The following PICALM variants were observed in gnomAD, a reference collection of about 807,000 sequenced individuals.
PICALM encodes phosphatidylinositol-binding clathrin assembly protein.
Under a neutral mutation model 80.5 loss-of-function variants are expected in PICALM, and 40 were observed. That is an observed-to-expected ratio of 0.50 (90% confidence interval 0.39 to 0.65). The LOEUF (loss-of-function observed/expected upper bound fraction) is 0.65. PICALM is among the 30% of genes least tolerant of loss of function. The pLI, the probability that PICALM is intolerant of heterozygous loss-of-function variation, is 0.00. For missense variants in PICALM, 676 were observed against 778.9 expected (o/e 0.87, Z 1.57); for synonymous variants, 288 against 260.3 (o/e 1.11, Z -1.02).
At chr11:86,045,676 T>C (rs967024058) in intron 1 of PICALM, among the ~76,000 whole-genome samples, 21 of 152,202 alleles carry the variant, frequency 1.4e-4, no homozygotes, top group African/African-American at 4.6e-4. Context: ...TTATACAATA[T>C]CCCATTTATT....
intron 8 of PICALM, 93 bp from the exon 9 acceptor site, chr11:86,003,544 A>G: frequency 1.5e-6 from 1 of 674,510 alleles, no homozygotes; most frequent in South Asian, 2.3e-5. Flanking sequence ...ACAAAAATAA[A>G]CAGGTATGTT....
chr11:86,025,385 C>T (rs1431867600), intron 3 of PICALM, among the ~76,000 whole-genome samples: 1 of 151,450 alleles, frequency 6.6e-6, no homozygotes, highest in Non-Finnish European at 1.5e-5. Flanking sequence ...GGTGACAGAA[C>T]GAGACTTCGT....
intron 11 of PICALM, among the ~76,000 whole-genome samples, chr11:85,997,335 C>T (rs1163028877): frequency 1.3e-5 from 2 of 152,176 alleles, no homozygotes; most frequent in African/African-American, 4.8e-5. Context: ...CAATACACTA[C>T]ACAGTAAAAT....
At chr11:85,999,494 C>T (rs1207172919) in intron 11 of PICALM, among the ~76,000 whole-genome samples, 2 of 152,198 alleles carry the variant, frequency 1.3e-5, no homozygotes, top group African/African-American at 4.8e-5. Flanking sequence ...ATGTTGAGAA[C>T]TTGCCCCTTA....
intron 19 of PICALM, among the ~76,000 whole-genome samples, chr11:85,963,170 TA>T (rs1358486120): frequency 6.6e-6 from 1 of 152,106 alleles, no homozygotes; most frequent in East Asian, 1.9e-4. Context: ...TACTAGAGGA[TA>T]AAAAATTAAA....
At chr11:86,024,853 G>A (rs2095624947) in intron 3 of PICALM, among the ~76,000 whole-genome samples, 1 of 151,928 alleles carries the variant, frequency 6.6e-6, no homozygotes, top group African/African-American at 2.4e-5. Context: ...TATTGTACCT[G>A]TGCTTAAGCC....
At chr11:85,974,911 T>C (rs1312764553) in intron 18 of PICALM, 99 bp from the exon 19 acceptor site, 2 of 810,590 alleles carry the variant, frequency 2.5e-6, no homozygotes, top group Admixed American at 1.9e-5. Context: ...CCTAGTACCT[T>C]TGCTTGACTC....
At chr11:86,028,630 A>G (rs2095691957) in intron 2 of PICALM, among the ~76,000 whole-genome samples, 1 of 152,160 alleles carries the variant, frequency 6.6e-6, no homozygotes, top group South Asian at 2.1e-4. Flanking sequence ...TCCAGAAGTG[A>G]CTTACCCAAG....
At position 86,019,391 on chromosome 11, in the gene PICALM, A is replaced by G. The variant is rs911961297; in HGVS notation, c.452+2976T>C. Among the ~76,000 whole-genome samples the G allele has an allele frequency of 5.3e-5, 8 of 152,184 alleles. No homozygotes were observed. The East Asian group carries it at 1.5e-3, about 29-fold the overall frequency. Reference sequence around the variant, plus strand: ...TCCTTGATTCAACTAAGTCAATACTAATTTTATTGTACTTAATCAGGAGCT... The same window carrying G: ...TCCTTGATTCAACTAAGTCAATACTGATTTTATTGTACTTAATCAGGAGCT... On this transcript the variant is annotated intron_variant, in intron 4 of 19. Coordinates refer to ENST00000393346, the MANE Select transcript of PICALM (RefSeq NM_007166.4).
intron 12 of PICALM, among the ~76,000 whole-genome samples, chr11:85,992,567 A>T (rs1016632004): frequency 6.6e-6 from 1 of 152,204 alleles, no homozygotes; most frequent in Non-Finnish European, 1.5e-5. Flanking sequence ...CATTACAGGC[A>T]TGAGCCACCA....
At chr11:86,006,124 A>G (rs549185762) in intron 8 of PICALM, among the ~76,000 whole-genome samples, 1 of 152,238 alleles carries the variant, frequency 6.6e-6, no homozygotes, top group African/African-American at 2.4e-5. Flanking sequence ...TTGCCAAATC[A>G]TTTTATAATA....
intron 1 of PICALM, among the ~76,000 whole-genome samples, chr11:86,049,653 A>G (rs2096144874): frequency 6.6e-6 from 1 of 151,290 alleles, no homozygotes. Context: ...GGCTGGTCTC[A>G]AACTCCTGAC....
At chr11:86,011,484 CTAAGA>C (rs2095393216) in intron 6 of PICALM, among the ~76,000 whole-genome samples, 1 of 152,176 alleles carries the variant, frequency 6.6e-6, no homozygotes, top group Non-Finnish European at 1.5e-5. Flanking sequence ...AGTATATTAT[CTAAGA>C]TAACAACTTT....
Position 85,996,767 on chromosome 11 carries a change from C to G in PICALM, c.1258+59G>C, listed in dbSNP as rs965225332. Reference sequence around the variant, plus strand: ...ATAAAAAACTACAAATAAGTAAACACCACAGAATGAGGAGGAGAGATGCAT... The same window carrying G: ...ATAAAAAACTACAAATAAGTAAACAGCACAGAATGAGGAGGAGAGATGCAT... On this transcript the variant is annotated intron_variant, in intron 12 of 19. Coordinates refer to ENST00000393346, the MANE Select transcript of PICALM (RefSeq NM_007166.4). 5 of 996,334 alleles carry G rather than the reference C, an allele frequency of 5.0e-6. No individual in the cohort carries two copies. In the African/African-American group the frequency reaches 8.0e-5, roughly 16 times the overall value. The allele number at this position is 996,334 out of a possible 1,614,324, so 61.7% of individuals were successfully genotyped here. A position where few individuals can be genotyped will look rare whatever the true frequency, so the allele number is the denominator to read the frequency against.
intron 10 of PICALM, 108 bp downstream of exon 10, chr11:86,000,927 G>T: frequency 2.0e-6 from 3 of 1,478,802 alleles, no homozygotes; most frequent in South Asian, 1.3e-5. Context: ...CTGAGTTTCA[G>T]CCCATTAGGT....
intron 14 of PICALM, among the ~76,000 whole-genome samples, chr11:85,982,438 T>TTTTTTTTTA (rs1565278982): frequency 7.4e-6 from 1 of 135,704 alleles, no homozygotes; most frequent in Admixed American, 7.4e-5. Flanking sequence ...TTTTTTTTTT[T>TTTTTTTTTA]GAGACGGAGT....
intron 1 of PICALM, among the ~76,000 whole-genome samples, chr11:86,063,329 A>C (rs2096397380): frequency 6.6e-6 from 1 of 151,782 alleles, no homozygotes; most frequent in African/African-American, 2.4e-5. Context: ...ATTCAAAGAC[A>C]CCTTTAAAAA....
intron 1 of PICALM, among the ~76,000 whole-genome samples, chr11:86,066,240 C>A (rs2096446461): frequency 6.6e-6 from 1 of 152,048 alleles, no homozygotes. Flanking sequence ...CAGACTTTAC[C>A]TAAGATAAAG....
intron 13 of PICALM, among the ~76,000 whole-genome samples, chr11:85,984,950 A>G (rs1415952430): frequency 6.6e-6 from 1 of 152,152 alleles, no homozygotes; most frequent in Non-Finnish European, 1.5e-5. Flanking sequence ...TCAACCTCAC[A>G]AGGATCACAA....
Sources: gnomAD v4.1 joint callset for allele counts (sites outside exome capture counted in the v4.1 genomes callset) on GRCh38, gnomAD v4.1.1 for gene constraint, MANE v1.5 for transcripts, NCBI Gene and HGNC (gene_info 2026-07-23, HGNC 2026-07-21) for gene names.